PCNX1: variants seen among roughly 807,000 people sequenced by gnomAD.
PCNX1 encodes pecanex-like protein 1.
A neutral mutation model predicts 242.2 loss-of-function variants in PCNX1; 78 were observed. The observed-to-expected ratio is 0.32, with a 90% CI of 0.27 to 0.39. The LOEUF (loss-of-function observed/expected upper bound fraction) is 0.39. Ranked by LOEUF, PCNX1 falls within the 10% of genes least tolerant of loss-of-function variation. The probability of loss-of-function intolerance (pLI) is 1.00; values close to 1 mark genes in which losing one functional copy is unlikely to be tolerated. For synonymous variants in PCNX1, 1,024 were observed against 1,032.9 expected, an observed-to-expected ratio of 0.99 and a Z score of 0.17; for missense variants, 2,581 against 2,856.5, an observed-to-expected ratio of 0.90 and a Z score of 2.20.
At chr14:70,928,176 T>C (rs2056661312) in intron 1 of PCNX1, among the ~76,000 whole-genome samples, 1 of 152,198 alleles carries the variant, frequency 6.6e-6, no homozygotes, top group African/African-American at 2.4e-5. Flanking sequence ...TACTTTTATA[T>C]AGGAGCAAGG....
At chr14:70,990,891 C>T (rs1340860653) in intron 7 of PCNX1, among the ~76,000 whole-genome samples, 1 of 152,080 alleles carries the variant, frequency 6.6e-6, no homozygotes, top group African/African-American at 2.4e-5. Context: ...TTTCTAACCT[C>T]TTCTTTTTGC....
At chr14:70,983,674 G>A (rs999515126) in intron 6 of PCNX1, among the ~76,000 whole-genome samples, 1 of 151,472 alleles carries the variant, frequency 6.6e-6, no homozygotes, top group African/African-American at 2.4e-5. Flanking sequence ...CCTTTAAAAT[G>A]TTTTCACAGA....
chr14:71,035,790 G>A (rs1055595611), intron 18 of PCNX1, among the ~76,000 whole-genome samples: 2 of 152,058 alleles, frequency 1.3e-5, no homozygotes, highest in East Asian at 1.9e-4. Context: ...GTGGTGGCAC[G>A]ACCAGCTACC....
At chr14:71,067,870 G>A (rs2061488057) in intron 26 of PCNX1, among the ~76,000 whole-genome samples, 1 of 151,672 alleles carries the variant, frequency 6.6e-6, no homozygotes, top group South Asian at 2.1e-4. Flanking sequence ...TATATATCTA[G>A]TAGTCATTAT....
Position 71,051,948 on chromosome 14 carries a change from C to G in PCNX1, c.4513C>G (p.Leu1505Val). The part of the protein sequence containing the change: ...AFFSTPLNPF[L>V]GSAIFITSYV... ...CTTCTCTACTCCACTGAACCCCTTT[C>G]TGGGAAGTGCAATATTCATCACTTC... The change falls in exon 24 of 36, where the codon CTG becomes GTG. Residue 1505 changes from leucine to valine, a missense_variant. Coordinates refer to ENST00000304743, the MANE Select transcript of PCNX1 (RefSeq NM_014982.3). 6.2e-7 allele frequency: 1 copy of G among 1,613,350 alleles called. No homozygotes were observed. The highest frequency in any genetic ancestry group is 8.5e-7 in the Non-Finnish European group (1 of 1,179,354).
At chr14:71,031,400 C>T (rs141657586) in intron 16 of PCNX1, among the ~76,000 whole-genome samples, 8 of 152,286 alleles carry the variant, frequency 5.3e-5, no homozygotes, top group African/African-American at 1.9e-4. Context: ...CAGCAAGGTG[C>T]CCAGTGCACC....
At chr14:70,997,430 G>T (rs117817204) in intron 8 of PCNX1, among the ~76,000 whole-genome samples, 2 of 152,146 alleles carry the variant, frequency 1.3e-5, no homozygotes, top group East Asian at 3.9e-4. Context: ...TTCTTAGTTT[G>T]CTCAAAAAAT....
intron 1 of PCNX1, among the ~76,000 whole-genome samples, chr14:70,928,869 A>G (rs554370636): frequency 7.9e-5 from 12 of 152,300 alleles, no homozygotes; most frequent in African/African-American, 2.9e-4. Flanking sequence ...TAATTCTCAG[A>G]CATAGCAGTT....
chr14:71,083,076 G>C (rs917975492), intron 28 of PCNX1, among the ~76,000 whole-genome samples: 1 of 152,158 alleles, frequency 6.6e-6, no homozygotes, highest in African/African-American at 2.4e-5. Flanking sequence ...GCATTTGCTT[G>C]TCTGTAAAGG....
chr14:71,113,710 G>GA lies in PCNX1; in HGVS notation c.*3780dup, dbSNP rs34583998. On this transcript the variant is annotated 3_prime_UTR_variant, in exon 36 of 36. Transcript: ENST00000304743. The stretch of plus-strand genomic sequence containing the variant: ...CCTCCTAAATAAATATGTGACTTGA[G>GA]AAAAAGGTAATAATGATTTTGTCAG... The GA allele has an allele frequency of 6.6e-6, 1 of 152,148 alleles. No individual in the cohort carries two copies. The highest frequency in any genetic ancestry group is 1.5e-5 in the Non-Finnish European group (1 of 68,006). 9.4% of individuals were successfully genotyped at this position (152,148 alleles called of 1,614,324 possible).
At chr14:71,005,944 A>G (rs555378039) in intron 8 of PCNX1, among the ~76,000 whole-genome samples, 28 of 142,980 alleles carry the variant, frequency 2.0e-4, no homozygotes, top group Admixed American at 9.1e-4. Context: ...TTTTTTTGAG[A>G]CAGGGTCTCA....
At chr14:70,922,011 G>A (rs556172635) in intron 1 of PCNX1, among the ~76,000 whole-genome samples, 4 of 152,268 alleles carry the variant, frequency 2.6e-5, no homozygotes, top group Admixed American at 2.0e-4. Context: ...TGGGAGGTCT[G>A]TTATTTGTGA....
At chr14:71,048,334 A>T (rs1340927519) in intron 22 of PCNX1, among the ~76,000 whole-genome samples, 1 of 152,194 alleles carries the variant, frequency 6.6e-6, no homozygotes, top group African/African-American at 2.4e-5. Context: ...TAGCCCAATG[A>T]AGCAGGTAGA....
At chr14:71,109,728 G>A in intron 35 of PCNX1, 67 bp from the exon 36 acceptor site, 2 of 1,574,518 alleles carry the variant, frequency 1.3e-6, no homozygotes, top group African/African-American at 1.3e-5. Context: ...TCCTAGGTAG[G>A]GGTAAGAGTT....
Position 70,974,976 on chromosome 14 carries a change from G to A in PCNX1, c.605-1966G>A, listed in dbSNP as rs961581146. 1.1e-4 allele frequency among the ~76,000 whole-genome samples: 17 copies of A among 151,838 alleles called. 2 individuals carry two copies. Among genetic ancestry groups the A allele is most frequent in the Admixed American group, 1.0e-3 (16 of 15,258 alleles). On this transcript the variant is annotated intron_variant, in intron 5 of 35. Transcript: ENST00000304743. ...TGTGGTATATTTGTTTAGCAGTATCGAAAAAAGTGCATGTATTAAAGTAAG... is the reference window on the plus strand; with the variant it reads ...TGTGGTATATTTGTTTAGCAGTATCAAAAAAAGTGCATGTATTAAAGTAAG...
intron 32 of PCNX1, 35 bp downstream of exon 32, chr14:71,103,704 T>A (rs201081500): frequency 6.2e-7 from 1 of 1,602,076 alleles, no homozygotes; most frequent in East Asian, 2.2e-5. Context: ...AGTGCTGGTG[T>A]ATTCCTGACC....
intron 32 of PCNX1, among the ~76,000 whole-genome samples, chr14:71,104,435 A>G (rs2062552485): frequency 6.6e-6 from 1 of 152,186 alleles, no homozygotes; most frequent in African/African-American, 2.4e-5. Flanking sequence ...GAATTACCGT[A>G]AAGAGATTCT....
intron 31 of PCNX1, among the ~76,000 whole-genome samples, chr14:71,103,061 G>A (rs949313394): frequency 3.9e-5 from 6 of 151,982 alleles, no homozygotes; most frequent in Non-Finnish European, 5.9e-5. Context: ...TCTTTCAACC[G>A]TAAATATTTA....
At chr14:71,004,307 G>T (rs776239887) in intron 8 of PCNX1, among the ~76,000 whole-genome samples, 1 of 152,216 alleles carries the variant, frequency 6.6e-6, no homozygotes, top group Non-Finnish European at 1.5e-5. Context: ...CCAACTCCCA[G>T]GCCATGGACT....
Sources: allele counts gnomAD v4.1 joint callset (sites outside exome capture counted in the v4.1 genomes callset), GRCh38; gene constraint gnomAD v4.1.1; transcripts MANE v1.5; gene names NCBI Gene and HGNC (gene_info 2026-07-23, HGNC 2026-07-21).